The following ZBTB34 variants were observed in gnomAD, a reference collection of about 807,000 sequenced individuals.
ZBTB34 encodes zinc finger and BTB domain-containing protein 34.
ZBTB34 carries 1 observed loss-of-function variant against 33.4 expected under a neutral mutation model. The ratio of observed to expected loss-of-function variants is 0.03; its 90% CI spans 0.01 to 0.14. The LOEUF is 0.14. Ranked by LOEUF, ZBTB34 falls within the 10% of genes least tolerant of loss-of-function variation. The probability of loss-of-function intolerance (pLI) is 1.00; values close to 1 mark genes in which losing one functional copy is unlikely to be tolerated. For synonymous variants in ZBTB34, 283 were observed against 253.5 expected (o/e 1.12, Z -1.11); for missense variants, 406 against 657.2 (o/e 0.62, Z 4.18).
At chr9:126,870,944 A>G (rs2033269200) in intron 1 of ZBTB34, among the ~76,000 whole-genome samples, 1 of 151,678 alleles carries the variant, frequency 6.6e-6, no homozygotes. Flanking sequence ...AAAAAGCAGC[A>G]CATCAAAACA....
chr9:126,864,266 C>T lies in ZBTB34; in HGVS notation c.-11+3527C>T, dbSNP rs535029047. Among the ~76,000 whole-genome samples, 64 of 152,290 alleles carry T rather than the reference C, an allele frequency of 4.2e-4. 1 individual carries two copies. The South Asian group carries it at 8.7e-3, about 21-fold the overall frequency. ...TTTCTCAGCCTCTCTGGGTTTGCTT[C>T]CTCGTCTGTAGAATGGGGATAACTG... On this transcript the variant is annotated intron_variant, in intron 1 of 1. Coordinates refer to ENST00000319119, the Ensembl canonical transcript of ZBTB34.
At chr9:126,863,922 A>G (rs1034846557) in intron 1 of ZBTB34, among the ~76,000 whole-genome samples, 1 of 152,202 alleles carries the variant, frequency 6.6e-6, no homozygotes, top group African/African-American at 2.4e-5. Context: ...TACTTCACTG[A>G]CAGAAGTAAA....
intron 1 of ZBTB34, among the ~76,000 whole-genome samples, chr9:126,861,082 T>C (rs1033947535): frequency 6.6e-6 from 1 of 151,938 alleles, no homozygotes; most frequent in Non-Finnish European, 1.5e-5. Context: ...CGTCTCGGGA[T>C]CCCCAGCTTC....
At chr9:126,866,781 A>T (rs967139170) in intron 1 of ZBTB34, among the ~76,000 whole-genome samples, 5 of 152,110 alleles carry the variant, frequency 3.3e-5, no homozygotes, top group East Asian at 1.9e-4. Context: ...TTAAAAAAAA[A>T]TTTTAGTGAG....
At chr9:126,860,699 G>A (rs899234482) in exon 1 of ZBTB34, 3 of 146,910 alleles carry the variant, frequency 2.0e-5, no homozygotes, top group African/African-American at 7.4e-5. Context: ...CGGCGGAGGG[G>A]GCGCCGCGGG....
chr9:126,882,207 T>C (rs1186259724), exon 2 of ZBTB34: 1 of 167,092 alleles, frequency 6.0e-6, no homozygotes, highest in Admixed American at 6.5e-5. Context: ...TCTAAGATAC[T>C]CTGTGTGTCA....
chr9:126,884,133 T>C (rs760707377), exon 2 of ZBTB34: 8 of 167,034 alleles, frequency 4.8e-5, no homozygotes, highest in Non-Finnish European at 1.2e-4. Flanking sequence ...CCTGAATTCA[T>C]ATAGGCTTGT....
chr9:126,877,289 A>G (rs1728367948), intron 1 of ZBTB34, among the ~76,000 whole-genome samples: 1 of 152,162 alleles, frequency 6.6e-6, no homozygotes, highest in South Asian at 2.1e-4. Flanking sequence ...ACAATTGTTA[A>G]CATTTTACTG....
exon 2 of ZBTB34, chr9:126,885,573 A>G (rs750089187): frequency 2.2e-4 from 37 of 167,120 alleles, no homozygotes; most frequent in South Asian, 4.1e-4. Context: ...TTATCTTGCA[A>G]TATAAACTGG....
chr9:126,883,914 A>G (rs1395572274), exon 2 of ZBTB34: 2 of 167,120 alleles, frequency 1.2e-5, no homozygotes, highest in Non-Finnish European at 2.9e-5. Flanking sequence ...GAGGATTAAC[A>G]TGACCACAGA....
At chr9:126,870,227 A>G (rs1247866672) in intron 1 of ZBTB34, among the ~76,000 whole-genome samples, 4 of 152,186 alleles carry the variant, frequency 2.6e-5, no homozygotes, top group Non-Finnish European at 5.9e-5. Flanking sequence ...TAAATGAAAA[A>G]CTAATATAAA....
At position 126,881,388 on chromosome 9, in the gene ZBTB34, A is replaced by G. The variant is rs2033439402; in HGVS notation, c.*474A>G. The G allele has an allele frequency of 1.9e-5, 3 of 160,938 alleles. No individual in the cohort carries two copies. The South Asian group carries it at 6.3e-4, about 34-fold the overall frequency. The allele number at this position is 160,938 out of a possible 1,614,324, so 10.0% of individuals were successfully genotyped here. A position where few individuals can be genotyped will look rare whatever the true frequency, so the allele number is the denominator to read the frequency against. ...TATATATATATATAATAAAACTATTATTATATATATAGTATATATACATTT... is the reference window on the plus strand; with the variant it reads ...TATATATATATATAATAAAACTATTGTTATATATATAGTATATATACATTT... On this transcript the variant is annotated 3_prime_UTR_variant, in exon 2 of 2. Transcript: ENST00000319119.
intron 1 of ZBTB34, among the ~76,000 whole-genome samples, chr9:126,872,759 G>T (rs973548977): frequency 2.0e-5 from 3 of 152,158 alleles, no homozygotes; most frequent in African/African-American, 7.2e-5. Flanking sequence ...CAAGAGTGTG[G>T]CTTGTTAGCA....
At chr9:126,864,747 C>G (rs2033179194) in intron 1 of ZBTB34, among the ~76,000 whole-genome samples, 1 of 152,092 alleles carries the variant, frequency 6.6e-6, no homozygotes, top group Non-Finnish European at 1.5e-5. Context: ...TAGATTGTAG[C>G]TCATGACAGC....
intron 1 of ZBTB34, among the ~76,000 whole-genome samples, chr9:126,877,327 C>T (rs2033375784): frequency 1.3e-5 from 2 of 152,208 alleles, no homozygotes; most frequent in South Asian, 2.1e-4. Flanking sequence ...ATCTGTCCAT[C>T]TCTTTTTTGG....
chr9:126,878,768 G>A (rs2033396260), intron 1 of ZBTB34, among the ~76,000 whole-genome samples: 1 of 150,400 alleles, frequency 6.6e-6, no homozygotes, highest in African/African-American at 2.4e-5. Flanking sequence ...CTGTCCGCTA[G>A]GCTGGGATGC....
chr9:126,885,188 C>T (rs1445613430), exon 2 of ZBTB34: 1 of 167,074 alleles, frequency 6.0e-6, no homozygotes, highest in Non-Finnish European at 1.5e-5. Flanking sequence ...TGTTTCTGCC[C>T]AGTGCTTGAC....
chr9:126,861,856 TC>T (rs982023229), intron 1 of ZBTB34, among the ~76,000 whole-genome samples: 140 of 152,208 alleles, frequency 9.2e-4, no homozygotes, highest in African/African-American at 3.3e-3. Flanking sequence ...CTCCAGAGGT[TC>T]CCCCCTCCCC....
At chr9:126,875,878 G>T (rs2033349731) in intron 1 of ZBTB34, among the ~76,000 whole-genome samples, 1 of 152,018 alleles carries the variant, frequency 6.6e-6, no homozygotes, top group Admixed American at 6.6e-5. Context: ...TGATGGGAAT[G>T]ACTGCACTAA....
Sources: allele counts gnomAD v4.1 joint callset (sites outside exome capture counted in the v4.1 genomes callset), GRCh38; gene constraint gnomAD v4.1.1; transcripts MANE v1.5; gene names NCBI Gene and HGNC (gene_info 2026-07-23, HGNC 2026-07-21).